Variants in RFX4 observed in about 807,000 individuals in gnomAD.
The protein encoded by RFX4 is regulatory factor X4, also known as transcription factor RFX4.
RFX4 carries 10 observed loss-of-function variants against 95.0 expected under a neutral mutation model. The observed-to-expected ratio is 0.11, with a 90% confidence interval of 0.06 to 0.18. The LOEUF is 0.18. Ranked by LOEUF, RFX4 falls within the 10% of genes least tolerant of loss-of-function variation. RFX4 has a pLI of 1.00. For missense variants in RFX4, 640 were observed against 922.0 expected, an observed-to-expected ratio of 0.69 and a Z score of 3.96; for synonymous variants, 321 against 340.7, an observed-to-expected ratio of 0.94 and a Z score of 0.64.
intron 2 of RFX4, among the ~76,000 whole-genome samples, chr12:106,617,493 T>G (rs775578615): frequency 6.6e-6 from 1 of 152,256 alleles, no homozygotes; most frequent in Non-Finnish European, 1.5e-5. Flanking sequence ...CTTTTACTTA[T>G]GGTTTATTTA....
In RFX4 at chr12:106,720,930, A is replaced by T. The variant is rs2137530339; in HGVS notation, c.1351+54A>T. 1.0e-5 allele frequency: 15 copies of T among 1,464,920 alleles called. No homozygotes were observed. Among genetic ancestry groups the T allele is most frequent in the South Asian group, 2.3e-5 (2 of 88,116 alleles). The allele number at this position is 1,464,920 out of a possible 1,614,324, so 90.7% of individuals were successfully genotyped here. On this transcript the variant is annotated intron_variant, in intron 13 of 17. Coordinates refer to ENST00000392842, the MANE Select transcript of RFX4 (RefSeq NM_213594.3). This position sits in a 1 kb window ranked among gnomAD's most constrained non-coding sequence, Gnocchi z 4.2. ...CAAGCACTTTTTCCTCTGGGCACGG[A>T]GCCCAGAGGAATCTACCACAGTCTA...
chr12:106,743,142 G>A (rs562876137), intron 15 of RFX4, among the ~76,000 whole-genome samples: 104 of 152,188 alleles, frequency 6.8e-4, no homozygotes, highest in African/African-American at 2.4e-3. Context: ...GGCTTCCACC[G>A]CTATCCTCAG....
At chr12:106,703,798 G>A (rs2042033283) in intron 8 of RFX4, among the ~76,000 whole-genome samples, 1 of 152,164 alleles carries the variant, frequency 6.6e-6, no homozygotes, top group Non-Finnish European at 1.5e-5. Flanking sequence ...AGGCATGGTG[G>A]CTCATGCCTG....
chr12:106,620,283 GT>G (rs1258994229), intron 2 of RFX4, among the ~76,000 whole-genome samples: 1 of 152,044 alleles, frequency 6.6e-6, no homozygotes, highest in Non-Finnish European at 1.5e-5. Context: ...TTCAACGTAG[GT>G]TCTATTTTCC....
At chr12:106,705,758 A>G (rs1219253556) in intron 8 of RFX4, among the ~76,000 whole-genome samples, 1 of 151,920 alleles carries the variant, frequency 6.6e-6, no homozygotes, top group African/African-American at 2.4e-5. Context: ...GAGGGTAGGG[A>G]GGGGGACAGT....
intron 2 of RFX4, among the ~76,000 whole-genome samples, chr12:106,635,227 A>G (rs1398158244): frequency 1.3e-5 from 2 of 152,170 alleles, no homozygotes; most frequent in Non-Finnish European, 2.9e-5. Context: ...TTTTAGGGGG[A>G]ACAAAAATAC....
chr12:106,592,561 C>G (rs2039563586), intron 1 of RFX4, among the ~76,000 whole-genome samples: 1 of 152,190 alleles, frequency 6.6e-6, no homozygotes, highest in Non-Finnish European at 1.5e-5. Context: ...TGATGCCCTT[C>G]CAGTTCTGGA....
chr12:106,600,646 A>G (rs1331073689), intron 1 of RFX4, among the ~76,000 whole-genome samples: 1 of 152,102 alleles, frequency 6.6e-6, no homozygotes, highest in East Asian at 1.9e-4. Flanking sequence ...TTCTTAGCGC[A>G]CTTGGAATAA....
At chr12:106,596,386 A>C (rs895976838) in intron 1 of RFX4, among the ~76,000 whole-genome samples, 1 of 152,242 alleles carries the variant, frequency 6.6e-6, no homozygotes, top group Non-Finnish European at 1.5e-5. Flanking sequence ...GCCACATGGA[A>C]CTGTGAGTCC....
intron 1 of RFX4, among the ~76,000 whole-genome samples, chr12:106,598,591 A>G (rs1448391417): frequency 6.6e-6 from 1 of 152,204 alleles, no homozygotes; most frequent in African/African-American, 2.4e-5. Context: ...AGAAAAAAGC[A>G]TTTTGCCTAG....
At chr12:106,750,476 CAA>C (rs374736367) in intron 16 of RFX4, among the ~76,000 whole-genome samples, 177 bp from the exon 17 acceptor site, 10 of 49,376 alleles carry the variant, frequency 2.0e-4, no homozygotes, top group Non-Finnish European at 3.6e-4. Flanking sequence ...GACCCTGACT[CAA>C]AAAAAAAAAA....
chr12:106,709,182 T>G (rs1047356019), intron 8 of RFX4, 148 bp from the exon 9 acceptor site: 8 of 666,588 alleles, frequency 1.2e-5, no homozygotes, highest in Non-Finnish European at 1.8e-5. Context: ...GGGCTTGGAC[T>G]GTTGGCACTG....
chr12:106,583,290 G>A lies in RFX4; in HGVS notation c.-31G>A, dbSNP rs778747850. 2 of 1,495,868 alleles carry A rather than the reference G, an allele frequency of 1.3e-6. No homozygotes were observed. Among genetic ancestry groups the A allele is most frequent in the South Asian group, 2.5e-5 (2 of 81,122 alleles). 92.7% of individuals were successfully genotyped at this position (1,495,868 alleles called of 1,614,324 possible). On this transcript the variant is annotated 5_prime_UTR_variant, in exon 1 of 18. Coordinates refer to ENST00000392842, the MANE Select transcript of RFX4 (RefSeq NM_213594.3). The stretch of plus-strand genomic sequence containing the variant: ...GGGATCCCCAAACATCAGGACTTTT[G>A]GGGGGCGCCTGTGCTGTCCATGGGA...
At chr12:106,688,759 G>A (rs1280401269) in intron 6 of RFX4, among the ~76,000 whole-genome samples, 2 of 139,240 alleles carry the variant, frequency 1.4e-5, no homozygotes, top group African/African-American at 2.8e-5. Context: ...ATAAATGGAG[G>A]GGGAGATTAA....
chr12:106,608,898 C>T lies in RFX4; in HGVS notation c.130+15C>T. ...TAATGATGAAAGTAAGTGCTTGAAA[C>T]TCATTCTTCCATGACATCCCAGACA... is the stretch of plus-strand genomic sequence containing the variant. On this transcript the variant is annotated intron_variant, in intron 2 of 17. Coordinates refer to ENST00000392842, the MANE Select transcript of RFX4 (RefSeq NM_213594.3). The T allele has an allele frequency of 6.2e-7, 1 of 1,602,382 alleles. No homozygotes were observed. Among genetic ancestry groups the T allele is most frequent in the Non-Finnish European group, 8.5e-7 (1 of 1,175,630 alleles).
intron 1 of RFX4, among the ~76,000 whole-genome samples, chr12:106,590,310 A>C (rs1660282364): frequency 6.6e-6 from 1 of 152,266 alleles, no homozygotes; most frequent in Admixed American, 6.5e-5. Context: ...TTCCATACTT[A>C]CTGTGTCTTC....
rs1371383767 is a variant in RFX4 at position 106,711,490 on chromosome 12, A to T, written c.972A>T (p.Thr324=). Residue 324 remains threonine, a synonymous_variant, in exon 10 of 18, where the codon ACA becomes ACT. Transcript: ENST00000392842. ...TCTCCCAAATTCTGAGACGGCAAACATCACTAAATCATCTCTGCCAGGTAG... is the reference window on the plus strand; with the variant it reads ...TCTCCCAAATTCTGAGACGGCAAACTTCACTAAATCATCTCTGCCAGGTAG... ...RRFSQILRRQ[T]SLNHLCQASR... 6.2e-7 allele frequency: 1 copy of T among 1,614,166 alleles called. No homozygotes were observed. The highest frequency in any genetic ancestry group is 1.7e-5 in the Admixed American group (1 of 60,032).
At chr12:106,681,956 T>G in intron 4 of RFX4, 37 bp from the exon 5 acceptor site, 1 of 1,612,084 alleles carries the variant, frequency 6.2e-7, no homozygotes, top group Non-Finnish European at 8.5e-7. Context: ...CTCCCAACTC[T>G]TCCCAATGGG....
At chr12:106,683,890 G>A (rs1045382058) in intron 5 of RFX4, 3 of 152,130 alleles carry the variant, frequency 2.0e-5, no homozygotes, top group Non-Finnish European at 2.9e-5. Flanking sequence ...TAACCTCGAG[G>A]TTGGCAAAAT....
Sources: allele counts gnomAD v4.1 joint callset (sites outside exome capture counted in the v4.1 genomes callset), GRCh38; gene constraint gnomAD v4.1.1; non-coding constraint Gnocchi (gnomAD v3.1); transcripts MANE v1.5; gene names NCBI Gene and HGNC (gene_info 2026-07-23, HGNC 2026-07-21).